EPHA7: variants seen among roughly 807,000 people sequenced by gnomAD.
EPHA7 encodes EPH receptor A7.
EPHA7 carries 25 observed loss-of-function variants against 112.6 expected under a neutral mutation model. That is an observed-to-expected ratio of 0.22 (90% CI 0.16 to 0.31). The LOEUF (loss-of-function observed/expected upper bound fraction) is 0.31, where lower values mean the gene tolerates loss of function less well. EPHA7 is among the 10% of genes least tolerant of loss of function. The pLI is 1.00. For synonymous variants in EPHA7, 437 were observed against 406.5 expected, an observed-to-expected ratio of 1.07 and a Z score of -0.90; for missense variants, 962 against 1,212.6, an observed-to-expected ratio of 0.79 and a Z score of 3.07.
intron 3 of EPHA7, among the ~76,000 whole-genome samples, chr6:93,390,620 A>G (rs1190857731): frequency 1.3e-5 from 2 of 151,512 alleles, no homozygotes; most frequent in African/African-American, 4.8e-5. Context: ...GAGTGGGGAT[A>G]TAAATGTAGA....
intron 5 of EPHA7, among the ~76,000 whole-genome samples, chr6:93,340,661 C>A (rs1266383910): frequency 2.0e-5 from 3 of 151,758 alleles, no homozygotes; most frequent in African/African-American, 7.3e-5. Flanking sequence ...TATATAATTG[C>A]AAGTAAGCCA....
chr6:93,419,521 G>T lies in EPHA7; in HGVS notation c.-180C>A. The T allele has an allele frequency of 1.8e-6, 1 of 548,068 alleles. No individual in the cohort carries two copies. The highest frequency in any genetic ancestry group is 3.2e-6 in the Non-Finnish European group (1 of 315,406). The allele number at this position is 548,068 out of a possible 1,614,324, so 34.0% of individuals were successfully genotyped here. ...ATTTCCCCCCCACTCCTGTTCGCTC[G>T]CACCGTGTTTGCTGCCTGCAAGTCT... is the stretch of plus-strand genomic sequence containing the variant. On this transcript the variant is annotated 5_prime_UTR_variant, in exon 1 of 17. Coordinates refer to ENST00000369303, the MANE Select transcript of EPHA7 (RefSeq NM_004440.4).
chr6:93,302,671 G>A (rs892015707), intron 5 of EPHA7, among the ~76,000 whole-genome samples: 1 of 152,160 alleles, frequency 6.6e-6, no homozygotes, highest in Admixed American at 6.6e-5. Flanking sequence ...TTATGAAGTT[G>A]TTTATACAGA....
At chr6:93,243,858 T>C (rs773784547) in intron 16 of EPHA7, among the ~76,000 whole-genome samples, 1 of 152,140 alleles carries the variant, frequency 6.6e-6, no homozygotes, top group Non-Finnish European at 1.5e-5. Flanking sequence ...AAATGTTATT[T>C]GAAATGTTGT....
chr6:93,362,602 C>A (rs2127951758), intron 3 of EPHA7, among the ~76,000 whole-genome samples: 1 of 152,050 alleles, frequency 6.6e-6, no homozygotes, highest in African/African-American at 2.4e-5. Context: ...TCACATAATC[C>A]ATAGTTGTCT....
intron 5 of EPHA7, among the ~76,000 whole-genome samples, chr6:93,293,774 G>A (rs1772507620): frequency 6.6e-6 from 1 of 152,144 alleles, no homozygotes; most frequent in Admixed American, 6.5e-5. Flanking sequence ...TGGAAGACAT[G>A]TTTATGTTCT....
chr6:93,246,748 T>G, intron 15 of EPHA7, 44 bp downstream of exon 15: 1 of 1,512,682 alleles, frequency 6.6e-7, no homozygotes, highest in Non-Finnish European at 9.1e-7. Flanking sequence ...TTTATGTTAC[T>G]ATTGTAATTT....
intron 3 of EPHA7, among the ~76,000 whole-genome samples, chr6:93,381,749 CTG>C (rs1777347595): frequency 6.6e-6 from 1 of 150,964 alleles, no homozygotes; most frequent in Non-Finnish European, 1.5e-5. Flanking sequence ...TTTCTTATAC[CTG>C]TGATCCTCTC....
At chr6:93,310,566 G>A (rs566707433) in intron 5 of EPHA7, among the ~76,000 whole-genome samples, 55 of 151,848 alleles carry the variant, frequency 3.6e-4, no homozygotes, top group Non-Finnish European at 5.6e-4. Flanking sequence ...TTGGGAGGCT[G>A]AGGCAGAAAA....
chr6:93,339,700 T>G (rs1775049080), intron 5 of EPHA7, among the ~76,000 whole-genome samples: 1 of 151,768 alleles, frequency 6.6e-6, no homozygotes, highest in Non-Finnish European at 1.5e-5. Flanking sequence ...TATTTTGATA[T>G]AGAAAAATAA....
Position 93,402,185 on chromosome 6 carries a change from T to C in EPHA7, c.832+8316A>G, listed in dbSNP as rs1269589472. ...TCCTATTTCCTTCCGTATTTCCTTA[T>C]GTTCTCCCCCCTTTCATCAGTTCTT... On this transcript the variant is annotated intron_variant, in intron 3 of 16. Coordinates refer to ENST00000369303, the MANE Select transcript of EPHA7 (RefSeq NM_004440.4). 2.6e-5 allele frequency among the ~76,000 whole-genome samples: 4 copies of C among 152,036 alleles called. No homozygotes were observed. The East Asian group carries it at 7.7e-4, about 29-fold the overall frequency.
At chr6:93,293,986 T>A (rs1209790129) in intron 5 of EPHA7, among the ~76,000 whole-genome samples, 1 of 152,162 alleles carries the variant, frequency 6.6e-6, no homozygotes, top group Admixed American at 6.5e-5. Flanking sequence ...TTACTTTCTG[T>A]TTTCTTTCTC....
chr6:93,305,310 A>T (rs1434076981), intron 5 of EPHA7, among the ~76,000 whole-genome samples: 1 of 151,590 alleles, frequency 6.6e-6, no homozygotes, highest in Non-Finnish European at 1.5e-5. Flanking sequence ...AGGAGAAATT[A>T]TGAAAGTAAA....
At chr6:93,260,979 A>T (rs1480822050) in intron 9 of EPHA7, among the ~76,000 whole-genome samples, 3 of 151,564 alleles carry the variant, frequency 2.0e-5, no homozygotes, top group African/African-American at 2.4e-5. Context: ...TCATTTTTTT[A>T]AAATTTTGTT....
chr6:93,407,882 A>T (rs1447924620), intron 3 of EPHA7, among the ~76,000 whole-genome samples: 1 of 151,934 alleles, frequency 6.6e-6, no homozygotes, highest in Non-Finnish European at 1.5e-5. Flanking sequence ...AAATAAATTG[A>T]GGTTTATTTT....
At chr6:93,418,998 G>A (rs1474582378) in intron 1 of EPHA7, among the ~76,000 whole-genome samples, 1 of 152,116 alleles carries the variant, frequency 6.6e-6, no homozygotes. Context: ...CAGACTGCCC[G>A]CGCCAGAAAT....
At chr6:93,265,292 T>C (rs1410383947) in intron 7 of EPHA7, among the ~76,000 whole-genome samples, 1 of 151,712 alleles carries the variant, frequency 6.6e-6, no homozygotes, top group Non-Finnish European at 1.5e-5. Flanking sequence ...CATTTCATAT[T>C]TTAAGATTAC....
At chr6:93,337,789 G>C (rs1204272738) in intron 5 of EPHA7, among the ~76,000 whole-genome samples, 1 of 152,094 alleles carries the variant, frequency 6.6e-6, no homozygotes, top group Non-Finnish European at 1.5e-5. Context: ...CAGCATCCTG[G>C]AAGCAAATAA....
chr6:93,283,106 G>C (rs954357521), intron 5 of EPHA7, among the ~76,000 whole-genome samples: 1 of 152,214 alleles, frequency 6.6e-6, no homozygotes, highest in Non-Finnish European at 1.5e-5. Flanking sequence ...TTTATGTCTA[G>C]CTAAGGGATT....
Sources: gnomAD v4.1 joint callset for allele counts (sites outside exome capture counted in the v4.1 genomes callset) on GRCh38, gnomAD v4.1.1 for gene constraint, MANE v1.5 for transcripts, NCBI Gene and HGNC (gene_info 2026-07-23, HGNC 2026-07-21) for gene names.